The following STARD6 variants were observed in gnomAD, a reference collection of about 807,000 sequenced individuals.
The protein encoded by STARD6 is StAR related lipid transfer domain containing 6.
A neutral mutation model predicts 22.3 loss-of-function variants in STARD6; 21 were observed. The observed-to-expected ratio is 0.94, with a 90% CI of 0.67 to 1.35. STARD6 has a LOEUF of 1.35. Among genes scored for constraint, STARD6 ranks in the 40% most tolerant of loss-of-function variants. STARD6 has a pLI of 0.00. For missense variants in STARD6, 269 were observed against 266.9 expected, an observed-to-expected ratio of 1.01 and a Z score of -0.05; for synonymous variants, 80 against 88.1, an observed-to-expected ratio of 0.91 and a Z score of 0.52.
At chr18:54,334,036 A>C (rs897803914) in intron 5 of STARD6, among the ~76,000 whole-genome samples, 1 of 152,222 alleles carries the variant, frequency 6.6e-6, no homozygotes, top group African/African-American at 2.4e-5. Context: ...TAATATACAT[A>C]CCATGAATTC....
chr18:54,343,643 C>T (rs1317015425), intron 4 of STARD6, among the ~76,000 whole-genome samples: 1 of 34,100 alleles, frequency 2.9e-5, no homozygotes. Flanking sequence ...CCCCTCTGCC[C>T]GGCCAGCCGC....
At chr18:54,355,239 C>A (rs1299199969) in intron 2 of STARD6, among the ~76,000 whole-genome samples, 1 of 152,084 alleles carries the variant, frequency 6.6e-6, no homozygotes, top group Non-Finnish European at 1.5e-5. Context: ...GTTCCTTCTG[C>A]TTGTCACTGT....
chr18:54,349,715 T>C (rs1246703598), intron 4 of STARD6, among the ~76,000 whole-genome samples: 1 of 152,184 alleles, frequency 6.6e-6, no homozygotes, highest in Non-Finnish European at 1.5e-5. Flanking sequence ...CTTTGTGTTC[T>C]CATAGCTTAG....
At chr18:54,349,917 C>T (rs2089079282) in intron 4 of STARD6, among the ~76,000 whole-genome samples, 1 of 152,064 alleles carries the variant, frequency 6.6e-6, no homozygotes, top group Admixed American at 6.6e-5. Flanking sequence ...CATATAATTG[C>T]AATTGCAAAT....
At chr18:54,329,194 G>T (rs1487122228) in intron 7 of STARD6, among the ~76,000 whole-genome samples, 153 bp downstream of exon 7, 2 of 152,008 alleles carry the variant, frequency 1.3e-5, no homozygotes, top group Non-Finnish European at 1.5e-5. Context: ...ACGATTATAA[G>T]AAGTTATTTT....
At chr18:54,341,142 C>T (rs746086647) in intron 4 of STARD6, among the ~76,000 whole-genome samples, 1 of 152,202 alleles carries the variant, frequency 6.6e-6, no homozygotes, top group African/African-American at 2.4e-5. Flanking sequence ...TCACTGCAAC[C>T]TCCGCCTCCA....
At chr18:54,344,714 G>A (rs561437754) in intron 4 of STARD6, among the ~76,000 whole-genome samples, 1 of 152,054 alleles carries the variant, frequency 6.6e-6, no homozygotes, top group African/African-American at 2.4e-5. Flanking sequence ...TGACCAAGTG[G>A]GATTTATCCC....
chr18:54,349,372 T>C (rs2089072010), intron 4 of STARD6, among the ~76,000 whole-genome samples: 1 of 152,002 alleles, frequency 6.6e-6, no homozygotes, highest in Non-Finnish European at 1.5e-5. Context: ...CTGAGATGGG[T>C]TTAAGTTCAG....
Position 54,354,084 on chromosome 18 carries a change from C to T in STARD6, c.110G>A (p.Ser37Asn), listed in dbSNP as rs1481489028. The change falls in exon 4 of 8, where the codon AGT (serine) becomes AAT (asparagine). Residue 37 changes from serine to asparagine, a missense_variant. By Grantham distance (46) the Ser-to-Asn change is conservative. Coordinates refer to ENST00000307844, the MANE Select transcript of STARD6 (RefSeq NM_139171.2). ...TCCATGGAATTTTCTAGAAGCCTTACTGGAAACAGTTATCTTTTTCTCAAA... is the reference window on the plus strand; with the variant it reads ...TCCATGGAATTTTCTAGAAGCCTTATTGGAAACAGTTATCTTTTTCTCAAA... ...VKTSKKITVS[S>N]KASRKFHGNL... The T allele has an allele frequency of 5.1e-6, 8 of 1,566,272 alleles. No homozygotes were observed. Among genetic ancestry groups the T allele is most frequent in the Non-Finnish European group, 6.9e-6 (8 of 1,154,192 alleles).
chr18:54,346,919 T>C (rs2089042147), intron 4 of STARD6, among the ~76,000 whole-genome samples: 1 of 152,068 alleles, frequency 6.6e-6, no homozygotes, highest in Non-Finnish European at 1.5e-5. Context: ...TAATGGGAAG[T>C]AAATGCTAGT....
chr18:54,337,212 T>C lies in STARD6; in HGVS notation c.180A>G (p.Lys60=). Residue 60 remains lysine (K), a synonymous_variant, in exon 5 of 8, where the codon AAA becomes AAG. Transcript: ENST00000307844. Reference sequence around the variant, plus strand: ...CAGTTTGGTAGAGGAAATCAGATAGTTTAGCTGGTGATTCTGGAATTATCC... The same window carrying C: ...CAGTTTGGTAGAGGAAATCAGATAGCTTAGCTGGTGATTCTGGAATTATCC... ...VEGIIPESPA[K]LSDFLYQTGD... is the part of the protein sequence containing the mutation. 8 of 1,613,452 alleles carry C rather than the reference T, an allele frequency of 5.0e-6. No individual in the cohort carries two copies. Among genetic ancestry groups the C allele is most frequent in the Non-Finnish European group, 6.8e-6 (8 of 1,179,646 alleles).
chr18:54,325,830 GT>G (rs1223959222), intron 7 of STARD6, among the ~76,000 whole-genome samples: 2 of 152,116 alleles, frequency 1.3e-5, no homozygotes, highest in Non-Finnish European at 2.9e-5. Flanking sequence ...GATTACAGGT[GT>G]GACCCACCTC....
chr18:54,327,296 A>T (rs1045841654), intron 7 of STARD6, among the ~76,000 whole-genome samples: 1 of 152,340 alleles, frequency 6.6e-6, no homozygotes, highest in Non-Finnish European at 1.5e-5. Context: ...GCATATATAT[A>T]TTTTTAATTG....
At chr18:54,337,035 G>A (rs900726073) in intron 5 of STARD6, 90 bp downstream of exon 5, 35 of 1,174,108 alleles carry the variant, frequency 3.0e-5, no homozygotes, top group Non-Finnish European at 4.0e-5. Context: ...AAAATACTGT[G>A]TCTACATAAC....
At chr18:54,355,090 C>T (rs763877804) in intron 2 of STARD6, among the ~76,000 whole-genome samples, 4 of 152,198 alleles carry the variant, frequency 2.6e-5, no homozygotes, top group Non-Finnish European at 4.4e-5. Flanking sequence ...TGGCACTACA[C>T]GATCTGACCC....
chr18:54,337,754 G>A (rs961008555), intron 4 of STARD6, among the ~76,000 whole-genome samples: 3 of 152,170 alleles, frequency 2.0e-5, no homozygotes, highest in African/African-American at 7.2e-5. Flanking sequence ...CTGGCTTAGG[G>A]TATCCATTCA....
intron 5 of STARD6, among the ~76,000 whole-genome samples, chr18:54,332,979 CA>C (rs1257321427): frequency 6.6e-6 from 1 of 151,880 alleles, no homozygotes; most frequent in Non-Finnish European, 1.5e-5. Flanking sequence ...CAAATCTTTA[CA>C]AAAAGGGAAA....
intron 7 of STARD6, among the ~76,000 whole-genome samples, chr18:54,328,601 G>C (rs1219316064): frequency 6.6e-6 from 1 of 151,576 alleles, no homozygotes; most frequent in Non-Finnish European, 1.5e-5. Context: ...AAGGAATACA[G>C]GTCCAAAATT....
intron 7 of STARD6, 58 bp downstream of exon 7, chr18:54,329,288 TA>T (rs1476622757): frequency 2.2e-6 from 3 of 1,391,190 alleles, no homozygotes; most frequent in African/African-American, 3.0e-5. Flanking sequence ...AATCTTAAAC[TA>T]AATCACAAGT....
Sources: gnomAD v4.1 joint callset for allele counts (sites outside exome capture counted in the v4.1 genomes callset) on GRCh38, gnomAD v4.1.1 for gene constraint, MANE v1.5 for transcripts, NCBI Gene and HGNC (gene_info 2026-07-23, HGNC 2026-07-21) for gene names.